EIF4E: variants seen among roughly 807,000 people sequenced by gnomAD.
The protein encoded by EIF4E is eukaryotic translation initiation factor 4E.
For synonymous variants in EIF4E, 71 were observed against 88.5 expected (o/e 0.80, Z 1.11); for missense variants, 113 against 265.6 (o/e 0.43, Z 3.99).
intron 6 of EIF4E, among the ~76,000 whole-genome samples, chr4:98,882,483 G>A (rs1415009037): frequency 6.6e-6 from 1 of 151,050 alleles, no homozygotes; most frequent in African/African-American, 2.4e-5. Context: ...AAAAATAAAG[G>A]AATAAAGATA....
At chr4:98,928,864 C>T (rs1178994771) in intron 1 of EIF4E, 2 of 1,543,008 alleles carry the variant, frequency 1.3e-6, no homozygotes, top group East Asian at 4.9e-5. Flanking sequence ...GCCCCTCCCC[C>T]ACACCGCTCC....
chr4:98,915,475 G>T (rs1725336900), intron 1 of EIF4E, among the ~76,000 whole-genome samples: 1 of 151,934 alleles, frequency 6.6e-6, no homozygotes, highest in Non-Finnish European at 1.5e-5. Flanking sequence ...CTCCTGGACT[G>T]CTCAGTGTAT....
intron 1 of EIF4E, among the ~76,000 whole-genome samples, chr4:98,905,377 C>T (rs1724827020): frequency 6.6e-6 from 1 of 152,152 alleles, no homozygotes; most frequent in South Asian, 2.1e-4. Flanking sequence ...AGGCAATCTT[C>T]CCTTGAAAAA....
chr4:98,917,325 A>G (rs774354891), intron 1 of EIF4E, among the ~76,000 whole-genome samples: 25 of 151,424 alleles, frequency 1.7e-4, no homozygotes, highest in Non-Finnish European at 3.4e-4. Flanking sequence ...CCCAAAGACC[A>G]CTCTCTTACT....
intron 6 of EIF4E, among the ~76,000 whole-genome samples, chr4:98,883,130 A>G (rs994850847): frequency 6.6e-6 from 1 of 151,988 alleles, no homozygotes; most frequent in Admixed American, 6.6e-5. Flanking sequence ...TACAAAAACT[A>G]CTGCAGTGGT....
chr4:98,884,672 A>G (rs775823057), intron 6 of EIF4E, among the ~76,000 whole-genome samples: 4 of 152,138 alleles, frequency 2.6e-5, no homozygotes, highest in Non-Finnish European at 5.9e-5. Context: ...CCACTGTACT[A>G]TATATAGCCT....
intron 1 of EIF4E, among the ~76,000 whole-genome samples, chr4:98,928,023 T>A (rs1479053825): frequency 6.6e-6 from 1 of 152,128 alleles, no homozygotes; most frequent in Non-Finnish European, 1.5e-5. Context: ...AATGAAAGTC[T>A]GTAGCATAGA....
intron 1 of EIF4E, among the ~76,000 whole-genome samples, chr4:98,910,979 C>T (rs888141246): frequency 6.6e-6 from 1 of 151,992 alleles, no homozygotes; most frequent in Non-Finnish European, 1.5e-5. Flanking sequence ...AGTGATCCGC[C>T]CACCTTGGCC....
intron 1 of EIF4E, among the ~76,000 whole-genome samples, chr4:98,911,110 C>T (rs1304114739): frequency 2.0e-5 from 3 of 151,256 alleles, no homozygotes; most frequent in South Asian, 2.1e-4. Flanking sequence ...ATTGCAGTGG[C>T]GCGATCTCGG....
At chr4:98,927,492 C>T (rs1165991957) in intron 1 of EIF4E, among the ~76,000 whole-genome samples, 1 of 151,640 alleles carries the variant, frequency 6.6e-6, no homozygotes, top group Non-Finnish European at 1.5e-5. Flanking sequence ...CCCGTCTCTA[C>T]TAAAAATACA....
At chr4:98,898,604 G>A (rs1056532378) in intron 2 of EIF4E, among the ~76,000 whole-genome samples, 15 of 151,082 alleles carry the variant, frequency 9.9e-5, no homozygotes, top group African/African-American at 2.4e-5. Flanking sequence ...CAAAAATGCT[G>A]TTCTTCCCAT....
intron 6 of EIF4E, among the ~76,000 whole-genome samples, chr4:98,884,199 C>T (rs1170659688): frequency 6.6e-6 from 1 of 152,134 alleles, no homozygotes; most frequent in Non-Finnish European, 1.5e-5. Context: ...TTTAAATGCA[C>T]ATATACTATT....
At position 98,887,303 on chromosome 4, in the gene EIF4E, A is replaced by ATT. The variant is rs1282253345; in HGVS notation, c.286-112_286-111insAA. The ATT allele has an allele frequency of 3.7e-5, 41 of 1,113,194 alleles. No homozygotes were observed. Among genetic ancestry groups the ATT allele is most frequent in the Non-Finnish European group, 4.4e-5 (32 of 730,262 alleles). 69.0% of individuals were successfully genotyped at this position (1,113,194 alleles called of 1,614,324 possible). ...CTGTCAACTTCTTACTTTATTGCCC[A>ATT]TAAAACTGCCATTGATGTAGTTTTT... On this transcript the variant is annotated intron_variant, in intron 4 of 6. Transcript: ENST00000450253. This position sits in a 1 kb window ranked among gnomAD's most constrained non-coding sequence, Gnocchi z 4.0.
chr4:98,891,663 G>T, intron 2 of EIF4E: 1 of 268,416 alleles, frequency 3.7e-6, no homozygotes, highest in Non-Finnish European at 7.1e-6. Flanking sequence ...CAAAGAGAAG[G>T]GAGTTTAGGG....
intron 1 of EIF4E, among the ~76,000 whole-genome samples, chr4:98,907,834 T>C (rs1342564213): frequency 6.6e-6 from 1 of 152,142 alleles, no homozygotes; most frequent in African/African-American, 2.4e-5. Flanking sequence ...TGGGTTTTCA[T>C]CAACAATCCA....
rs907840637 is a variant in EIF4E, at chr4:98,887,243, G to A, written c.286-51C>T. The A allele has an allele frequency of 6.4e-7, 1 of 1,562,000 alleles. No homozygotes were observed. The highest frequency in any genetic ancestry group is 8.8e-7 in the Non-Finnish European group (1 of 1,133,408). ...TACACAACATTGTTACCTTGACTTT[G>A]AGAGATAATCATTAGAAACAGTTAA... On this transcript the variant is annotated intron_variant, in intron 4 of 6. Coordinates refer to ENST00000450253, the MANE Select transcript of EIF4E (RefSeq NM_001968.5). The surrounding 1 kb of genome is among the most constrained non-coding windows in gnomAD (Gnocchi z 4.0).
At chr4:98,905,071 CTAAA>C (rs1275590471) in intron 1 of EIF4E, among the ~76,000 whole-genome samples, 4 of 151,884 alleles carry the variant, frequency 2.6e-5, no homozygotes, top group Admixed American at 2.6e-4. Context: ...CCTATAGACA[CTAAA>C]TAGTTTTAAG....
At chr4:98,890,357 T>TA (rs1724096001) in intron 3 of EIF4E, among the ~76,000 whole-genome samples, 1 of 152,232 alleles carries the variant, frequency 6.6e-6, no homozygotes, top group South Asian at 2.1e-4. Flanking sequence ...CTAGGTAATT[T>TA]AAAGTGCTTA....
At chr4:98,881,698 A>C (rs1723698027) in intron 6 of EIF4E, among the ~76,000 whole-genome samples, 1 of 152,218 alleles carries the variant, frequency 6.6e-6, no homozygotes. Context: ...AACAAAAACT[A>C]AACACTTTGA....
Sources: allele counts gnomAD v4.1 joint callset (sites outside exome capture counted in the v4.1 genomes callset), GRCh38; gene constraint gnomAD v4.1.1; non-coding constraint Gnocchi (gnomAD v3.1); transcripts MANE v1.5; gene names NCBI Gene and HGNC (gene_info 2026-07-23, HGNC 2026-07-21).